SGCZ: variants seen among roughly 807,000 people sequenced by gnomAD.
SGCZ encodes sarcoglycan zeta.
SGCZ carries 40 observed loss-of-function variants against 41.3 expected under a neutral mutation model. The observed-to-expected ratio is 0.97, with a 90% CI of 0.75 to 1.26. The LOEUF is 1.26. SGCZ is among the 50% of genes most tolerant of loss of function. The pLI, the probability that SGCZ is intolerant of heterozygous loss-of-function variation, is 0.00. For synonymous variants in SGCZ, 206 were observed against 137.5 expected, an observed-to-expected ratio of 1.50 and a Z score of -3.49; for missense variants, 552 against 369.8, an observed-to-expected ratio of 1.49 and a Z score of -4.04.
intron 3 of SGCZ, among the ~76,000 whole-genome samples, chr8:14,278,239 A>G (rs1800302266): frequency 6.6e-6 from 1 of 152,198 alleles, no homozygotes; most frequent in East Asian, 1.9e-4. Context: ...AGCTTCAGCC[A>G]TCTGGCCCCT....
At chr8:14,614,920 T>C (rs1272387806) in intron 1 of SGCZ, among the ~76,000 whole-genome samples, 1 of 152,190 alleles carries the variant, frequency 6.6e-6, no homozygotes, top group Non-Finnish European at 1.5e-5. Flanking sequence ...TTTATATGTA[T>C]ATTTTATCAC....
intron 3 of SGCZ, among the ~76,000 whole-genome samples, chr8:14,321,877 G>C (rs1222885261): frequency 1.3e-5 from 2 of 152,028 alleles, no homozygotes; most frequent in African/African-American, 4.8e-5. Flanking sequence ...AAATGTTTGT[G>C]TTCTTCCTTA....
intron 2 of SGCZ, among the ~76,000 whole-genome samples, chr8:14,404,224 T>A (rs1272293574): frequency 6.6e-6 from 1 of 152,218 alleles, no homozygotes; most frequent in East Asian, 1.9e-4. Context: ...TGCAATTTGT[T>A]TTTTTAATCA....
At chr8:14,937,758 T>C (rs968677892) in intron 1 of SGCZ, among the ~76,000 whole-genome samples, 8 of 152,168 alleles carry the variant, frequency 5.3e-5, no homozygotes, top group African/African-American at 1.9e-4. Flanking sequence ...ACATATTTTT[T>C]TCTCAGTTTT....
At chr8:14,604,793 G>C (rs1010341651) in intron 1 of SGCZ, among the ~76,000 whole-genome samples, 7 of 152,106 alleles carry the variant, frequency 4.6e-5, no homozygotes, top group African/African-American at 1.7e-4. Flanking sequence ...AGAAGAAATA[G>C]TCCATGGAAA....
chr8:15,141,435 A>G (rs1808316970), intron 1 of SGCZ, among the ~76,000 whole-genome samples: 1 of 152,256 alleles, frequency 6.6e-6, no homozygotes, highest in South Asian at 2.1e-4. Context: ...TATCTAATTT[A>G]TGTTTTAAAA....
At chr8:14,283,229 A>G (rs1055956303) in intron 3 of SGCZ, among the ~76,000 whole-genome samples, 2 of 152,140 alleles carry the variant, frequency 1.3e-5, no homozygotes, top group African/African-American at 4.8e-5. Context: ...TATCTAGCTC[A>G]TATTTCTTTT....
chr8:14,376,215 G>A (rs1804118528), intron 2 of SGCZ, among the ~76,000 whole-genome samples: 1 of 152,152 alleles, frequency 6.6e-6, no homozygotes, highest in African/African-American at 2.4e-5. Flanking sequence ...GGAGGCTGAG[G>A]CAGGAGAATT....
At chr8:14,317,077 AT>A (rs1263648659) in intron 3 of SGCZ, among the ~76,000 whole-genome samples, 3 of 152,064 alleles carry the variant, frequency 2.0e-5, no homozygotes, top group African/African-American at 7.2e-5. Context: ...TTGCCATCAA[AT>A]CCTTTGATTC....
intron 1 of SGCZ, among the ~76,000 whole-genome samples, chr8:15,088,658 C>T (rs541736365): frequency 2.6e-5 from 4 of 151,580 alleles, no homozygotes; most frequent in South Asian, 2.1e-4. Flanking sequence ...GATGAGAAAA[C>T]TGTTGTCCCT....
intron 1 of SGCZ, among the ~76,000 whole-genome samples, chr8:14,611,463 T>C (rs1355701728): frequency 6.6e-6 from 1 of 152,260 alleles, no homozygotes; most frequent in African/African-American, 2.4e-5. Context: ...TTAAATTCCA[T>C]TTTATCGGTC....
chr8:14,457,033 C>T (rs114656880), intron 2 of SGCZ, among the ~76,000 whole-genome samples: 2 of 151,978 alleles, frequency 1.3e-5, no homozygotes, highest in Admixed American at 6.6e-5. Context: ...ACCCAGGCAC[C>T]GAGGCAAGAG....
At chr8:15,038,425 C>A (rs79916430) in intron 1 of SGCZ, among the ~76,000 whole-genome samples, 6,409 of 151,636 alleles carry the variant, frequency 0.042, 225 homozygotes, top group South Asian at 0.14. Context: ...GAAACTAGAC[C>A]CCTATTTCAC....
chr8:14,624,555 A>ATTATTTT (rs1438250019), intron 1 of SGCZ, among the ~76,000 whole-genome samples: 4 of 96,248 alleles, frequency 4.2e-5, no homozygotes, highest in Admixed American at 1.3e-4. Flanking sequence ...TATTATTATT[A>ATTATTTT]TTTTTTTTTT....
chr8:15,159,592 C>T (rs542014621), intron 1 of SGCZ, among the ~76,000 whole-genome samples: 14 of 152,244 alleles, frequency 9.2e-5, no homozygotes, highest in African/African-American at 3.4e-4. Flanking sequence ...TGATTGCTTG[C>T]CTGGTGTGTG....
chr8:15,171,724 C>T (rs1251361805), intron 1 of SGCZ, among the ~76,000 whole-genome samples: 1 of 152,136 alleles, frequency 6.6e-6, no homozygotes, highest in Admixed American at 6.5e-5. Flanking sequence ...AAGTGGATAT[C>T]AAGCCTGTTG....
rs761276429 is a variant in SGCZ at position 14,847,126 on chromosome 8, A to AAGAAGAAGAAG, written c.40-292201_40-292200insCTTCTTCTTCT. On this transcript the variant is annotated intron_variant, in intron 1 of 7. Coordinates refer to ENST00000382080, the MANE Select transcript of SGCZ (RefSeq NM_139167.4). Reference sequence around the variant, plus strand: ...AGAAAGAAGAAAGAAGAAGAAGAAGAAAGAAGAAGAAGAAGAAGAAGAAGA... The same window carrying AAGAAGAAGAAG: ...AGAAAGAAGAAAGAAGAAGAAGAAGAAGAAGAAGAAGAAGAAGAAGAAGAAGAAGAAGAAGA... 2.3e-3 allele frequency among the ~76,000 whole-genome samples: 295 copies of AAGAAGAAGAAG among 126,418 alleles called. 2 individuals are homozygous for AAGAAGAAGAAG. The highest frequency in any genetic ancestry group is 8.3e-3 in the African/African-American group (274 of 32,924). 82.9% of individuals were successfully genotyped at this position (126,418 alleles called of 152,430 possible).
intron 3 of SGCZ, among the ~76,000 whole-genome samples, chr8:14,244,624 G>T (rs1478345534): frequency 6.6e-6 from 1 of 151,280 alleles, no homozygotes; most frequent in Non-Finnish European, 1.5e-5. Context: ...TTCCAATTCT[G>T]TGCAGAAAGG....
chr8:14,468,861 C>A (rs907137084), intron 2 of SGCZ, among the ~76,000 whole-genome samples: 1 of 151,992 alleles, frequency 6.6e-6, no homozygotes, highest in Non-Finnish European at 1.5e-5. Flanking sequence ...CATCATCTAA[C>A]AAATAATGAA....
Sources: gnomAD v4.1 joint callset for allele counts (sites outside exome capture counted in the v4.1 genomes callset) on GRCh38, gnomAD v4.1.1 for gene constraint, MANE v1.5 for transcripts, NCBI Gene and HGNC (gene_info 2026-07-23, HGNC 2026-07-21) for gene names.